BICC1: variants seen among roughly 807,000 people sequenced by gnomAD.
The protein encoded by BICC1 is BicC family RNA binding protein 1, also known as protein bicaudal C homolog 1.
BICC1 carries 43 observed loss-of-function variants against 111.0 expected under a neutral mutation model. The ratio of observed to expected loss-of-function variants is 0.39; its 90% CI spans 0.30 to 0.50. The LOEUF (loss-of-function observed/expected upper bound fraction) is 0.50. Ranked by LOEUF, BICC1 falls within the 20% of genes least tolerant of loss-of-function variation. BICC1 has a pLI of 0.88. For missense variants in BICC1, 1,091 were observed against 1,203.2 expected (o/e 0.91, Z 1.38); for synonymous variants, 467 against 434.4 (o/e 1.07, Z -0.93).
intron 2 of BICC1, among the ~76,000 whole-genome samples, chr10:58,667,791 A>G (rs1839062261): frequency 1.3e-5 from 2 of 152,080 alleles, no homozygotes; most frequent in African/African-American, 2.4e-5. Flanking sequence ...ATATGAACTA[A>G]TAGCTACTCC....
intron 9 of BICC1, among the ~76,000 whole-genome samples, chr10:58,794,685 G>A (rs947841013): frequency 1.3e-5 from 2 of 152,274 alleles, no homozygotes; most frequent in African/African-American, 4.8e-5. Context: ...CTCCCAAAGT[G>A]CTGGGATTAC....
intron 1 of BICC1, among the ~76,000 whole-genome samples, chr10:58,594,524 C>G (rs1405979731): frequency 2.6e-5 from 4 of 152,184 alleles, no homozygotes; most frequent in Non-Finnish European, 5.9e-5. Context: ...AACAGCGGAT[C>G]TCTCCGTAGA....
intron 2 of BICC1, among the ~76,000 whole-genome samples, chr10:58,647,958 A>G (rs1483773369): frequency 1.3e-5 from 2 of 152,190 alleles, no homozygotes; most frequent in Non-Finnish European, 2.9e-5. Flanking sequence ...TGGAGAATAC[A>G]CTGCATTAGT....
intron 3 of BICC1, among the ~76,000 whole-genome samples, chr10:58,768,673 A>G (rs1842526181): frequency 8.1e-6 from 1 of 123,024 alleles, no homozygotes; most frequent in South Asian, 3.2e-4. Context: ...CACAATATAA[A>G]AAAAGTAAAT....
At chr10:58,724,996 A>G (rs1288954377) in intron 3 of BICC1, among the ~76,000 whole-genome samples, 2 of 152,246 alleles carry the variant, frequency 1.3e-5, no homozygotes, top group Admixed American at 6.5e-5. Context: ...TCTGGTGCAG[A>G]TGTAAACTGA....
chr10:58,678,345 G>C (rs996426201), intron 2 of BICC1, among the ~76,000 whole-genome samples: 10 of 152,192 alleles, frequency 6.6e-5, no homozygotes, highest in Non-Finnish European at 8.8e-5. Flanking sequence ...TAAAGGGATG[G>C]AGGAAGTTTT....
chr10:58,646,647 G>A (rs1332421463), intron 2 of BICC1, among the ~76,000 whole-genome samples: 1 of 152,118 alleles, frequency 6.6e-6, no homozygotes, highest in Admixed American at 6.6e-5. Context: ...TGTGCCTCCT[G>A]TATAGAACTT....
chr10:58,795,783 T>C lies in BICC1; in HGVS notation c.1180-557T>C, dbSNP rs147636907. Among the ~76,000 whole-genome samples the C allele has an allele frequency of 3.0e-3, 451 of 152,282 alleles. 3 individuals are homozygous for C. Among genetic ancestry groups the C allele is most frequent in the African/African-American group, 0.011 (440 of 41,552 alleles). On this transcript the variant is annotated intron_variant, in intron 9 of 20. Coordinates refer to ENST00000373886, the MANE Select transcript of BICC1 (RefSeq NM_001080512.3). Reference sequence around the variant, plus strand: ...TTTACCATAAGCTTTGCCATAGATATGTCACCAATGAGGGATAGTCATACC... The same window carrying C: ...TTTACCATAAGCTTTGCCATAGATACGTCACCAATGAGGGATAGTCATACC...
At chr10:58,646,073 T>G (rs1838261022) in intron 2 of BICC1, among the ~76,000 whole-genome samples, 1 of 152,176 alleles carries the variant, frequency 6.6e-6, no homozygotes, top group Non-Finnish European at 1.5e-5. Context: ...GCTTTTTTTT[T>G]TTTTTCCTGA....
chr10:58,619,054 G>A (rs1845713402), intron 1 of BICC1, among the ~76,000 whole-genome samples: 1 of 152,006 alleles, frequency 6.6e-6, no homozygotes, highest in South Asian at 2.1e-4. Flanking sequence ...CTTGTACTCT[G>A]AGCCCCCTCC....
chr10:58,669,820 G>C (rs1839127375), intron 2 of BICC1, among the ~76,000 whole-genome samples: 1 of 151,992 alleles, frequency 6.6e-6, no homozygotes, highest in African/African-American at 2.4e-5. Context: ...AAATATTTCT[G>C]TTTCACTCTT....
At chr10:58,765,927 G>A (rs2132701516) in intron 3 of BICC1, among the ~76,000 whole-genome samples, 1 of 152,338 alleles carries the variant, frequency 6.6e-6, no homozygotes, top group Non-Finnish European at 1.5e-5. Flanking sequence ...AGCTGCCAGT[G>A]AATCCAAATA....
At chr10:58,558,889 T>A (rs1843530111) in intron 1 of BICC1, among the ~76,000 whole-genome samples, 1 of 152,054 alleles carries the variant, frequency 6.6e-6, no homozygotes, top group Non-Finnish European at 1.5e-5. Context: ...TTTTATAAGG[T>A]CACTGATCAC....
chr10:58,620,670 T>C (rs1468257579), intron 1 of BICC1, among the ~76,000 whole-genome samples, 185 bp from the exon 2 acceptor site: 2 of 152,182 alleles, frequency 1.3e-5, no homozygotes, highest in Non-Finnish European at 2.9e-5. Flanking sequence ...AGACATGTAA[T>C]TGATGGATTG....
At chr10:58,718,776 G>A (rs1840836411) in intron 3 of BICC1, among the ~76,000 whole-genome samples, 1 of 149,456 alleles carries the variant, frequency 6.7e-6, no homozygotes, top group South Asian at 2.1e-4. Context: ...GCGCGCGCGC[G>A]TGCGCGCGTG....
chr10:58,634,892 A>G (rs7902989), intron 2 of BICC1, among the ~76,000 whole-genome samples: 139,964 of 152,200 alleles, frequency 0.92, 65,562 homozygotes, highest in East Asian at 1. Flanking sequence ...AAGAGAAAAT[A>G]CATTAATTAT....
At chr10:58,763,586 G>A (rs554288969) in intron 3 of BICC1, among the ~76,000 whole-genome samples, 1 of 152,284 alleles carries the variant, frequency 6.6e-6, no homozygotes, top group African/African-American at 2.4e-5. Flanking sequence ...TAAGTTCTGA[G>A]TACAGACTAG....
intron 3 of BICC1, among the ~76,000 whole-genome samples, chr10:58,767,970 A>C (rs759442305): frequency 5.3e-5 from 8 of 152,162 alleles, no homozygotes; most frequent in Non-Finnish European, 1.0e-4. Context: ...CAGGAGAAAT[A>C]ATATATGCAA....
chr10:58,798,141 C>G (rs1466506879), intron 10 of BICC1, among the ~76,000 whole-genome samples: 1 of 152,150 alleles, frequency 6.6e-6, no homozygotes, highest in African/African-American at 2.4e-5. Flanking sequence ...TGTTCAATGA[C>G]CCTAACTGCC....
Sources: allele counts gnomAD v4.1 joint callset (sites outside exome capture counted in the v4.1 genomes callset), GRCh38; gene constraint gnomAD v4.1.1; transcripts MANE v1.5; gene names NCBI Gene and HGNC (gene_info 2026-07-23, HGNC 2026-07-21).